The following UBXN7 variants were observed in gnomAD, a reference collection of about 807,000 sequenced individuals.
UBXN7 encodes UBX domain protein 7, also known as UBX domain-containing protein 7.
UBXN7 carries 9 observed loss-of-function variants against 58.0 expected under a neutral mutation model. That is an observed-to-expected ratio of 0.16 (90% confidence interval 0.09 to 0.27). UBXN7 has a LOEUF of 0.27. Among genes scored for constraint, UBXN7 ranks in the 10% least tolerant of loss-of-function variants. UBXN7 has a pLI of 1.00. For missense variants in UBXN7, 328 were observed against 599.6 expected, an observed-to-expected ratio of 0.55 and a Z score of 4.73; for synonymous variants, 208 against 205.0, an observed-to-expected ratio of 1.01 and a Z score of -0.12.
chr3:196,385,662 C>T (rs1729359283), intron 5 of UBXN7, among the ~76,000 whole-genome samples: 1 of 151,986 alleles, frequency 6.6e-6, no homozygotes, highest in Non-Finnish European at 1.5e-5. Context: ...GCCGCCCCCT[C>T]TGAGAAGTGA....
At position 196,414,808 on chromosome 3, in the gene UBXN7, C is replaced by G. The variant is rs894632140; in HGVS notation, c.74-7415G>C. On this transcript the variant is annotated intron_variant, in intron 1 of 10. Transcript: ENST00000296328. ...CTAGCGCAGATCTCACTTTTCTCAT[C>G]CCAGTTACATTCTTCCTAAGTTCTC... 5.3e-5 allele frequency: 8 copies of G among 152,270 alleles called. 1 individual carries two copies. In the South Asian group the frequency reaches 1.7e-3, roughly 32 times the overall value. The allele number at this position is 152,270 out of a possible 1,614,324, so 9.4% of individuals were successfully genotyped here. A position where few individuals can be genotyped will look rare whatever the true frequency, so the allele number is the denominator to read the frequency against.
Position 196,376,545 on chromosome 3 carries a change from C to CAAAAAAAAAAAAAAA in UBXN7, c.469-4518_469-4504dup, listed in dbSNP as rs777458391. On this transcript the variant is annotated intron_variant, in intron 5 of 10. Transcript: ENST00000296328. ...TGGGCGACAGAGCGAGACTCTGTCT[C>CAAAAAAAAAAAAAAA]AAAAAAAAAAAAAAAAAAAAAAAGA... Among the ~76,000 whole-genome samples, 8 of 50,904 alleles carry CAAAAAAAAAAAAAAA rather than the reference C, an allele frequency of 1.6e-4. 1 individual carries two copies. In the East Asian group the frequency reaches 2.1e-3, roughly 13 times the overall value. 33.4% of individuals were successfully genotyped at this position (50,904 alleles called of 152,430 possible). A position where few individuals can be genotyped will look rare whatever the true frequency, so the allele number is the denominator to read the frequency against.
chr3:196,392,646 T>A (rs1044480149), intron 4 of UBXN7, among the ~76,000 whole-genome samples: 1 of 148,230 alleles, frequency 6.7e-6, no homozygotes, highest in Non-Finnish European at 1.5e-5. Context: ...CTACTAAAAA[T>A]ACAAAACTTA....
At chr3:196,368,287 C>A (rs1728724122) in intron 7 of UBXN7, 132 bp from the exon 8 acceptor site, 1 of 852,102 alleles carries the variant, frequency 1.2e-6, no homozygotes, top group Non-Finnish European at 1.6e-6. Flanking sequence ...TCAGCATATG[C>A]ATAGATTAAA....
At chr3:196,427,910 T>G (rs1730900369) in intron 1 of UBXN7, among the ~76,000 whole-genome samples, 1 of 152,110 alleles carries the variant, frequency 6.6e-6, no homozygotes, top group Non-Finnish European at 1.5e-5. Context: ...GCAGATCACT[T>G]GAGGTCAGTT....
At chr3:196,383,712 C>T (rs559390174) in intron 5 of UBXN7, among the ~76,000 whole-genome samples, 7 of 152,256 alleles carry the variant, frequency 4.6e-5, no homozygotes, top group Middle Eastern at 3.4e-3. Context: ...GGGCACATAA[C>T]GAAATGAAGG....
intron 8 of UBXN7, among the ~76,000 whole-genome samples, 169 bp from the exon 9 acceptor site, chr3:196,362,856 G>GAT (rs1415002297): frequency 4.6e-5 from 7 of 152,088 alleles, no homozygotes; most frequent in Admixed American, 2.0e-4. Flanking sequence ...TTGGAATGGA[G>GAT]ATATATATAT....
chr3:196,401,526 C>T lies in UBXN7; in HGVS notation c.289+1426G>A, dbSNP rs140001388. ...TATCCTAAGTGAATTAATGCAGGAACAGAAAGCCAAATACCGGACGTTCTC... is the reference window on the plus strand; with the variant it reads ...TATCCTAAGTGAATTAATGCAGGAATAGAAAGCCAAATACCGGACGTTCTC... On this transcript the variant is annotated intron_variant, in intron 3 of 10. Coordinates refer to ENST00000296328, the MANE Select transcript of UBXN7 (RefSeq NM_015562.2). Among the ~76,000 whole-genome samples the T allele has an allele frequency of 3.7e-3, 548 of 150,124 alleles. 20 individuals are homozygous for T. In the South Asian group the frequency reaches 0.075, roughly 20 times the overall value.
intron 1 of UBXN7, among the ~76,000 whole-genome samples, chr3:196,411,635 AC>A (rs1303424096): frequency 6.6e-6 from 1 of 152,152 alleles, no homozygotes; most frequent in Non-Finnish European, 1.5e-5. Flanking sequence ...ATATGGTGAA[AC>A]CCCTTCTCTA....
chr3:196,422,606 G>A (rs1297573556), intron 1 of UBXN7, among the ~76,000 whole-genome samples: 3 of 151,990 alleles, frequency 2.0e-5, no homozygotes, highest in East Asian at 1.9e-4. Flanking sequence ...CCAGGTTGGC[G>A]TCAAATTCCT....
In UBXN7 at chr3:196,356,395, T is replaced by A. The variant is rs1271384282; in HGVS notation, c.*290A>T. The A allele has an allele frequency of 7.3e-6, 2 of 274,076 alleles. No individual in the cohort carries two copies. Among genetic ancestry groups the A allele is most frequent in the Non-Finnish European group, 1.4e-5 (2 of 146,352 alleles). The allele number at this position is 274,076 out of a possible 1,614,324, so 17.0% of individuals were successfully genotyped here. ...TTCCTGCTGCTAGTACTAGGAGAGG[T>A]CTTATCCTTACACTTCAGTTTGGTC... On this transcript the variant is annotated 3_prime_UTR_variant, in exon 11 of 11. Coordinates refer to ENST00000296328, the MANE Select transcript of UBXN7 (RefSeq NM_015562.2).
At chr3:196,418,254 G>T (rs1730567095) in intron 1 of UBXN7, among the ~76,000 whole-genome samples, 1 of 149,066 alleles carries the variant, frequency 6.7e-6, no homozygotes. Flanking sequence ...AGGAAGAAAA[G>T]AAGGAAGGAG....
intron 6 of UBXN7, among the ~76,000 whole-genome samples, chr3:196,371,523 T>C (rs1474369487): frequency 6.6e-6 from 1 of 152,172 alleles, no homozygotes; most frequent in Non-Finnish European, 1.5e-5. Flanking sequence ...GCTCTATTGT[T>C]CAGGCTGGAG....
At chr3:196,390,367 T>C (rs564379345) in intron 5 of UBXN7, among the ~76,000 whole-genome samples, 1 of 152,228 alleles carries the variant, frequency 6.6e-6, no homozygotes, top group East Asian at 1.9e-4. Flanking sequence ...TCCCAAGTAG[T>C]AGTTAGTTTG....
chr3:196,359,211 G>A (rs1728437785), intron 10 of UBXN7, among the ~76,000 whole-genome samples: 1 of 152,064 alleles, frequency 6.6e-6, no homozygotes, highest in African/African-American at 2.4e-5. Flanking sequence ...ATAATGAACT[G>A]TGAGCAGTTA....
chr3:196,400,115 G>A (rs1200546900), intron 3 of UBXN7: 3 of 151,894 alleles, frequency 2.0e-5, no homozygotes, highest in African/African-American at 7.3e-5. Context: ...GTTGGAAACA[G>A]AGGTCAAAAC....
At chr3:196,415,889 C>T (rs184782519) in intron 1 of UBXN7, among the ~76,000 whole-genome samples, 6 of 152,264 alleles carry the variant, frequency 3.9e-5, no homozygotes, top group African/African-American at 1.2e-4. Flanking sequence ...CTTGTTCTAG[C>T]AGAGATGCAC....
Position 196,356,078 on chromosome 3 carries a change from T to A in UBXN7, c.*607A>T, listed in dbSNP as rs1728338504. On this transcript the variant is annotated 3_prime_UTR_variant, in exon 11 of 11. Coordinates refer to ENST00000296328, the MANE Select transcript of UBXN7 (RefSeq NM_015562.2). ...GTCCTTATAGCTGGGAACATGAAAA[T>A]CCTTTGAAAAAGGTTTTTAAGTATG... The A allele has an allele frequency of 1.3e-5, 2 of 152,600 alleles. No homozygotes were observed. Among genetic ancestry groups the A allele is most frequent in the African/African-American group, 4.8e-5 (2 of 41,444 alleles). The allele number at this position is 152,600 out of a possible 1,614,324, so 9.5% of individuals were successfully genotyped here.
chr3:196,425,970 C>G (rs1279295939), intron 1 of UBXN7, among the ~76,000 whole-genome samples: 1 of 152,170 alleles, frequency 6.6e-6, no homozygotes, highest in Non-Finnish European at 1.5e-5. Context: ...AGGACAGACA[C>G]CACGCCTTGC....
Sources: gnomAD v4.1 joint callset for allele counts (sites outside exome capture counted in the v4.1 genomes callset) on GRCh38, gnomAD v4.1.1 for gene constraint, MANE v1.5 for transcripts, NCBI Gene and HGNC (gene_info 2026-07-23, HGNC 2026-07-21) for gene names.